The following MYH9 variants were observed in gnomAD, a reference collection of about 807,000 sequenced individuals.
The protein encoded by MYH9 is myosin heavy chain 9, also known as myosin-9.
MYH9 carries 29 observed loss-of-function variants against 241.9 expected under a neutral mutation model. That is an observed-to-expected ratio of 0.12 (90% CI 0.09 to 0.16). The LOEUF (loss-of-function observed/expected upper bound fraction) is 0.16, where lower values mean the gene tolerates loss of function less well. MYH9 is among the 10% of genes least tolerant of loss of function. The pLI is 1.00. For missense variants in MYH9, 1,803 were observed against 2,595.5 expected (o/e 0.69, Z 6.63); for synonymous variants, 1,047 against 1,062.6 (o/e 0.99, Z 0.29).
At chr22:36,356,455 C>A (rs989837675) in intron 1 of MYH9, among the ~76,000 whole-genome samples, 2 of 151,818 alleles carry the variant, frequency 1.3e-5, no homozygotes, top group African/African-American at 4.8e-5. Context: ...GTGGCGCGTG[C>A]CTGTAATCCT....
At chr22:36,311,940 G>T in intron 14 of MYH9, 109 bp downstream of exon 14, 2 of 1,335,454 alleles carry the variant, frequency 1.5e-6, no homozygotes, top group Non-Finnish European at 1.1e-6. Context: ...ACCGTACTCA[G>T]GTCACACCCC....
chr22:36,370,722 A>C (rs2018076830), intron 1 of MYH9, among the ~76,000 whole-genome samples: 1 of 152,222 alleles, frequency 6.6e-6, no homozygotes, highest in Admixed American at 6.5e-5. Context: ...GGCAGAAGGC[A>C]GGGCAGCCTG....
At position 36,330,273 on chromosome 22, in the gene MYH9, G is replaced by C. The variant is rs1280429509; in HGVS notation, c.491-2785C>G. Among the ~76,000 whole-genome samples, 1 of 152,214 alleles carries C rather than the reference G, an allele frequency of 6.6e-6. No individual in the cohort carries two copies. Among genetic ancestry groups the C allele is most frequent in the African/African-American group, 2.4e-5 (1 of 41,440 alleles). ...TCATCTGGACAAATGCTTTCTGAAA[G>C]GCAAACTGCTGGGAGGCCTCCTCAT... On this transcript the variant is annotated intron_variant, in intron 3 of 40. Coordinates refer to ENST00000216181, the MANE Select transcript of MYH9 (RefSeq NM_002473.6). This position sits in a 1 kb window ranked among gnomAD's most constrained non-coding sequence, Gnocchi z 4.5.
chr22:36,360,333 A>C lies in MYH9; in HGVS notation c.-19-11078T>G, dbSNP rs1243785107. On this transcript the variant is annotated intron_variant, in intron 1 of 40. Coordinates refer to ENST00000216181, the MANE Select transcript of MYH9 (RefSeq NM_002473.6). ...CAGAGGGAAGAGGGTTTCGTGGCCG[A>C]GTAAGGATGGAATGCCGTCTCCCTA... Among the ~76,000 whole-genome samples the C allele has an allele frequency of 2.6e-5, 4 of 152,092 alleles. No homozygotes were observed. In the East Asian group the frequency reaches 7.7e-4, roughly 29 times the overall value.
At position 36,378,260 on chromosome 22, in the gene MYH9, C is replaced by T. The variant is rs112391479; in HGVS notation, c.-20+9547G>A. On this transcript the variant is annotated intron_variant, in intron 1 of 40. Transcript: ENST00000216181. ...CCACATTCCAGCCTGGGCAACAGAG[C>T]AAGACGCTGTCTCATAAAAAAAGAA... 1.7e-3 allele frequency among the ~76,000 whole-genome samples: 261 copies of T among 152,116 alleles called. 1 individual carries two copies. The highest frequency in any genetic ancestry group is 5.9e-3 in the African/African-American group (245 of 41,496).
In MYH9 at chr22:36,380,318, C is replaced by T. The variant is rs575378116; in HGVS notation, c.-20+7489G>A. On this transcript the variant is annotated intron_variant, in intron 1 of 40. Coordinates refer to ENST00000216181, the MANE Select transcript of MYH9 (RefSeq NM_002473.6). Reference sequence around the variant, plus strand: ...CCCATTCAAAACACCCCTCTGATCACATCTTCTCAAGAATTTGGGCTTTTC... The same window carrying T: ...CCCATTCAAAACACCCCTCTGATCATATCTTCTCAAGAATTTGGGCTTTTC... 4.6e-5 allele frequency among the ~76,000 whole-genome samples: 7 copies of T among 152,340 alleles called. No homozygotes were observed. The South Asian group carries it at 1.2e-3, about 27-fold the overall frequency.
chr22:36,325,594 C>A (rs2017323003), intron 5 of MYH9, among the ~76,000 whole-genome samples: 1 of 152,262 alleles, frequency 6.6e-6, no homozygotes, highest in Admixed American at 6.5e-5. Flanking sequence ...CTGCTTCTGA[C>A]TGGCACGGCG....
At position 36,288,209 on chromosome 22, in the gene MYH9, G is replaced by A. The variant is rs1162399805; in HGVS notation, c.4932+43C>T. ...GGCACCTTCATATGTAGTTGGCTCA[G>A]TCGGGTGCCGCCCACCCTCACCTGG... On this transcript the variant is annotated intron_variant, in intron 34 of 40. Transcript: ENST00000216181. The surrounding 1 kb of genome is among the most constrained non-coding windows in gnomAD (Gnocchi z 4.8). 6.2e-7 allele frequency: 1 copy of A among 1,610,424 alleles called. No individual in the cohort carries two copies. Among genetic ancestry groups the A allele is most frequent in the Non-Finnish European group, 8.5e-7 (1 of 1,179,392 alleles).
chr22:36,370,860 G>T (rs1420225963), intron 1 of MYH9, among the ~76,000 whole-genome samples: 1 of 152,138 alleles, frequency 6.6e-6, no homozygotes, highest in Non-Finnish European at 1.5e-5. Context: ...TGGGCAGTGG[G>T]GGGTGGGAAG....
intron 40 of MYH9, 124 bp from the exon 41 acceptor site, chr22:36,282,909 A>G: frequency 1.2e-6 from 1 of 837,618 alleles, no homozygotes; most frequent in East Asian, 2.7e-5. Context: ...CTCCCACCAG[A>G]AAGAAGCAAA....
chr22:36,367,429 T>C (rs991111877), intron 1 of MYH9, among the ~76,000 whole-genome samples: 5 of 152,134 alleles, frequency 3.3e-5, no homozygotes, highest in Admixed American at 2.0e-4. Flanking sequence ...CCTGGACATA[T>C]AGAAGGCATG....
chr22:36,307,718 T>C (rs2016993704), intron 15 of MYH9, among the ~76,000 whole-genome samples: 1 of 152,042 alleles, frequency 6.6e-6, no homozygotes, highest in Non-Finnish European at 1.5e-5. Flanking sequence ...TGAAACCCCA[T>C]CTCTACTAAA....
chr22:36,380,741 CA>C (rs869191333), intron 1 of MYH9, among the ~76,000 whole-genome samples: 1 of 146,114 alleles, frequency 6.8e-6, no homozygotes, highest in Non-Finnish European at 1.5e-5. Context: ...ACTCTGTCTC[CA>C]AAAAAAGAAA....
chr22:36,346,113 C>T (rs932576840), intron 2 of MYH9, among the ~76,000 whole-genome samples: 7 of 149,358 alleles, frequency 4.7e-5, no homozygotes, highest in African/African-American at 1.7e-4. Flanking sequence ...CACCACACCA[C>T]TGCACGCCAG....
intron 34 of MYH9, 27 bp from the exon 35 acceptor site, chr22:36,286,873 C>T (rs369290727): frequency 3.7e-6 from 6 of 1,602,454 alleles, no homozygotes; most frequent in Non-Finnish European, 5.1e-6. Context: ...GGCTTGGCAC[C>T]CCACCCAGCT....
intron 1 of MYH9, among the ~76,000 whole-genome samples, chr22:36,383,276 T>G (rs1248507258): frequency 6.6e-6 from 1 of 151,692 alleles, no homozygotes; most frequent in African/African-American, 2.4e-5. Flanking sequence ...AGAGCCAGAG[T>G]TGGAAGTAAG....
rs375507737 is a variant in MYH9 at position 36,306,095 on chromosome 22, G to C, written c.2038-44C>G. 3.0e-5 allele frequency: 48 copies of C among 1,609,958 alleles called. No individual in the cohort carries two copies. The highest frequency in any genetic ancestry group is 5.3e-5 in the African/African-American group (4 of 74,938). On this transcript the variant is annotated intron_variant, in intron 16 of 40. Transcript: ENST00000216181. This position sits in a 1 kb window ranked among gnomAD's most constrained non-coding sequence, Gnocchi z 4.1. ...GCATGCGGTCTCACTTCCGTGCCTA[G>C]AACAGTCGGAGAATAGTCAGGGAAC...
intron 14 of MYH9, among the ~76,000 whole-genome samples, chr22:36,309,888 T>C (rs1046992247): frequency 6.6e-6 from 1 of 152,248 alleles, no homozygotes; most frequent in African/African-American, 2.4e-5. Context: ...ATTTTTTTAA[T>C]TGGGCAGCCT....
In MYH9 at chr22:36,289,192, C is replaced by T. The variant is rs1468906391; in HGVS notation, c.4450G>A (p.Ala1484Thr). 2 of 1,613,548 alleles carry T rather than the reference C, an allele frequency of 1.2e-6. No individual in the cohort carries two copies. The highest frequency in any genetic ancestry group is 2.2e-5 in the South Asian group (2 of 91,092). Residue 1484 changes from alanine (A) to threonine (T), a missense_variant, in exon 32 of 41, where the codon GCC (alanine) becomes ACC (threonine). Physicochemically the swap from Ala to Thr is moderately conservative, Grantham distance 58. Transcript: ENST00000216181. The part of the protein sequence containing the change: ...KETKALSLAR[A>T]LEEAMEQKAE... Reference sequence around the variant, plus strand: ...TTCTGCTCCATGGCTTCCTCCAGGGCCCGGGCCAGCGACAGAGCCTTGGTC... The same window carrying T: ...TTCTGCTCCATGGCTTCCTCCAGGGTCCGGGCCAGCGACAGAGCCTTGGTC...
Sources: gnomAD v4.1 joint callset for allele counts (sites outside exome capture counted in the v4.1 genomes callset) on GRCh38, gnomAD v4.1.1 for gene constraint, Gnocchi (gnomAD v3.1) non-coding constraint, MANE v1.5 for transcripts, NCBI Gene and HGNC (gene_info 2026-07-23, HGNC 2026-07-21) for gene names.